The following CASZ1 variants were observed in gnomAD, a reference collection of about 807,000 sequenced individuals.
CASZ1 encodes the protein castor zinc finger 1.
In CASZ1, 28 loss-of-function variants were observed where a neutral mutation model predicts 135.2. The ratio of observed to expected loss-of-function variants is 0.21; its 90% CI spans 0.15 to 0.28. CASZ1 has a LOEUF of 0.28. CASZ1 is among the 10% of genes least tolerant of loss of function. CASZ1 has a pLI of 1.00. For synonymous variants in CASZ1, 1,068 were observed against 1,073.4 expected (o/e 0.99, Z 0.10); for missense variants, 2,161 against 2,453.3 (o/e 0.88, Z 2.52).
In CASZ1 at chr1:10,735,374, G is replaced by T. The variant is rs1050592138; in HGVS notation, c.-77+25327C>A. ...TGCATTCTGAGCTGACGAGAGAGGCGCCTGCAAACGCAGGCGAGGCCCGGG... is the reference window on the plus strand; with the variant it reads ...TGCATTCTGAGCTGACGAGAGAGGCTCCTGCAAACGCAGGCGAGGCCCGGG... On this transcript the variant is annotated intron_variant, in intron 2 of 20. Transcript: ENST00000377022. The surrounding 1 kb of genome is among the most constrained non-coding windows in gnomAD (Gnocchi z 5.1). Among the ~76,000 whole-genome samples the T allele has an allele frequency of 2.0e-4, 30 of 152,274 alleles. No individual in the cohort carries two copies. The highest frequency in any genetic ancestry group is 1.5e-3 in the Admixed American group (23 of 15,296).
At chr1:10,670,706 C>G (rs1230683267) in intron 4 of CASZ1, among the ~76,000 whole-genome samples, 3 of 152,216 alleles carry the variant, frequency 2.0e-5, no homozygotes, top group Non-Finnish European at 4.4e-5. Context: ...TCAGAGGTGC[C>G]ACAGGAGTGG....
At chr1:10,792,643 AT>A (rs1312528355) in intron 1 of CASZ1, among the ~76,000 whole-genome samples, 3 of 150,898 alleles carry the variant, frequency 2.0e-5, no homozygotes, top group African/African-American at 7.3e-5. Context: ...AAACAAGATA[AT>A]TTTTTTCTGT....
Position 10,719,576 on chromosome 1 carries a change from G to A in CASZ1, c.-76-14032C>T, listed in dbSNP as rs1309724873. On this transcript the variant is annotated intron_variant, in intron 2 of 20. Transcript: ENST00000377022. The surrounding 1 kb of genome is among the most constrained non-coding windows in gnomAD (Gnocchi z 4.0). ...GGACACTCAGGTCCACCTGGAGCAC[G>A]AGGAGAGGCTGGCCACCTGTAGGGC... Among the ~76,000 whole-genome samples the A allele has an allele frequency of 2.6e-5, 4 of 152,226 alleles. No individual in the cohort carries two copies. The highest frequency in any genetic ancestry group is 9.6e-5 in the African/African-American group (4 of 41,468).
At position 10,709,022 on chromosome 1, in the gene CASZ1, G is replaced by A. The variant is rs538097034; in HGVS notation, c.-76-3478C>T. Among the ~76,000 whole-genome samples, 24 of 151,644 alleles carry A rather than the reference G, an allele frequency of 1.6e-4. No homozygotes were observed. Among genetic ancestry groups the A allele is most frequent in the African/African-American group, 3.1e-4 (13 of 41,280 alleles). ...GAGGGAGTGCCACGAGAGATGGGAC[G>A]GGGGAGAGTGACAGGCGGAGAAGTG... On this transcript the variant is annotated intron_variant, in intron 2 of 20. Coordinates refer to ENST00000377022, the MANE Select transcript of CASZ1 (RefSeq NM_001079843.3). This position sits in a 1 kb window ranked among gnomAD's most constrained non-coding sequence, Gnocchi z 5.1.
At position 10,776,051 on chromosome 1, in the gene CASZ1, C is replaced by A. The variant is rs977823961; in HGVS notation, c.-233-15194G>T. On this transcript the variant is annotated intron_variant, in intron 1 of 20. Transcript: ENST00000377022. The surrounding 1 kb of genome is among the most constrained non-coding windows in gnomAD (Gnocchi z 4.1). ...GCTCGGTCCCTGTAGCTAATTTACA[C>A]CCGTCAGGGTTTAAAATAGCAGAGG... Among the ~76,000 whole-genome samples the A allele has an allele frequency of 1.3e-5, 2 of 152,230 alleles. No individual in the cohort carries two copies. Among genetic ancestry groups the A allele is most frequent in the Non-Finnish European group, 2.9e-5 (2 of 68,050 alleles).
chr1:10,716,012 C>T (rs1639382989), intron 2 of CASZ1, among the ~76,000 whole-genome samples: 1 of 141,042 alleles, frequency 7.1e-6, no homozygotes, highest in Non-Finnish European at 1.5e-5. Context: ...GCACCCAATC[C>T]ACACCCCACA....
intron 4 of CASZ1, among the ~76,000 whole-genome samples, chr1:10,684,271 T>C (rs1290287594): frequency 6.6e-6 from 1 of 151,884 alleles, no homozygotes; most frequent in Non-Finnish European, 1.5e-5. Flanking sequence ...GGGAGAAGGC[T>C]CAGTGTTAAA....
Position 10,638,976 on chromosome 1 carries a change from G to C in CASZ1, c.5246C>G (p.Pro1749Arg), listed in dbSNP as rs963930787. 3.1e-6 allele frequency: 3 copies of C among 980,918 alleles called. No individual in the cohort carries two copies. Among genetic ancestry groups the C allele is most frequent in the East Asian group, 1.2e-4 (1 of 8,674 alleles). The allele number at this position is 980,918 out of a possible 1,614,324, so 60.8% of individuals were successfully genotyped here. A position where few individuals can be genotyped will look rare whatever the true frequency, so the allele number is the denominator to read the frequency against. ...ALAALAALGA[P>R]GPAPTAASSP ...GGAGGCTGCAGTGGGCGCGGGGCCG[G>C]GGGCGCCCAGGGCCGCCAGCGCCGC... Residue 1749 changes from proline to arginine, a missense_variant, in exon 21 of 21, where the codon CCC (proline) becomes CGC (arginine). Pro to Arg is a moderately radical substitution (Grantham distance 103). Transcript: ENST00000377022. The surrounding 1 kb of genome is among the most constrained non-coding windows in gnomAD (Gnocchi z 5.9).
intron 4 of CASZ1, among the ~76,000 whole-genome samples, chr1:10,686,977 G>T (rs921952220): frequency 6.6e-6 from 1 of 152,208 alleles, no homozygotes; most frequent in Non-Finnish European, 1.5e-5. Flanking sequence ...TTCCCAGGCT[G>T]AAGGGGTGAC....
Position 10,725,126 on chromosome 1 carries a change from T to C in CASZ1, c.-76-19582A>G, listed in dbSNP as rs559514226. ...GGGCTTGGGCTCCCCTCGGTGGGGGTAGGATTCCCTAGTTGGCCAGGGAGC... is the reference window on the plus strand; with the variant it reads ...GGGCTTGGGCTCCCCTCGGTGGGGGCAGGATTCCCTAGTTGGCCAGGGAGC... On this transcript the variant is annotated intron_variant, in intron 2 of 20. Coordinates refer to ENST00000377022, the MANE Select transcript of CASZ1 (RefSeq NM_001079843.3). This position sits in a 1 kb window ranked among gnomAD's most constrained non-coding sequence, Gnocchi z 4.4. 2.0e-5 allele frequency among the ~76,000 whole-genome samples: 3 copies of C among 152,060 alleles called. 1 individual carries two copies. Among genetic ancestry groups the C allele is most frequent in the African/African-American group, 4.8e-5 (2 of 41,472 alleles).
In CASZ1 at chr1:10,676,106, C is replaced by T. The variant is rs1004549528; in HGVS notation, c.17-10535G>A. Reference sequence around the variant, plus strand: ...GGGCGGGGCTCCCCCTGGACCTAGGCCTGCTCAGAGGCTTGGGGGCCAAGG... The same window carrying T: ...GGGCGGGGCTCCCCCTGGACCTAGGTCTGCTCAGAGGCTTGGGGGCCAAGG... On this transcript the variant is annotated intron_variant, in intron 4 of 20. Transcript: ENST00000377022. The surrounding 1 kb of genome is among the most constrained non-coding windows in gnomAD (Gnocchi z 4.5). Among the ~76,000 whole-genome samples the T allele has an allele frequency of 6.6e-6, 1 of 152,178 alleles. No individual in the cohort carries two copies. The highest frequency in any genetic ancestry group is 6.5e-5 in the Admixed American group (1 of 15,290).
At chr1:10,785,599 G>A (rs1299409503) in intron 1 of CASZ1, among the ~76,000 whole-genome samples, 1 of 152,028 alleles carries the variant, frequency 6.6e-6, no homozygotes, top group African/African-American at 2.4e-5. Context: ...TCCTGGCCCC[G>A]CCCTGCCTGT....
chr1:10,655,825 C>T lies in CASZ1; in HGVS notation c.1501-12G>A, dbSNP rs1327896577. On this transcript the variant is annotated splice_polypyrimidine_tract_variant and intron_variant, in intron 8 of 20. Transcript: ENST00000377022. ...TTACTCGTGAACCTCTGCCAGGAGA[C>T]AGCGCCACGTGGGCAGGAGCCTGAG... 10 of 1,611,774 alleles carry T rather than the reference C, an allele frequency of 6.2e-6. No homozygotes were observed. Among genetic ancestry groups the T allele is most frequent in the Non-Finnish European group, 8.5e-6 (10 of 1,178,130 alleles).
chr1:10,654,595 C>T lies in CASZ1; in HGVS notation c.1666-4G>A. 1 of 1,613,886 alleles carries T rather than the reference C, an allele frequency of 6.2e-7. No homozygotes were observed. The highest frequency in any genetic ancestry group is 8.5e-7 in the Non-Finnish European group (1 of 1,179,802). ...TGTACACCTTGTTACAGCCCACCTG[C>T]ACAGGACGGGATGGTGGTCAGGCGA... On this transcript the variant is annotated splice_region_variant and splice_polypyrimidine_tract_variant and intron_variant, in intron 9 of 20. Transcript: ENST00000377022.
rs886963711 is a variant in CASZ1 at position 10,679,488 on chromosome 1, C to G, written c.17-13917G>C. Among the ~76,000 whole-genome samples, 3 of 152,136 alleles carry G rather than the reference C, an allele frequency of 2.0e-5. No homozygotes were observed. Among genetic ancestry groups the G allele is most frequent in the Admixed American group, 1.3e-4 (2 of 15,284 alleles). ...ACTCGGGCCAGCTGTCTCGATGGTG[C>G]TACCAAGCAATGTAGCAGCCCCCAC... On this transcript the variant is annotated intron_variant, in intron 4 of 20. Transcript: ENST00000377022. The surrounding 1 kb of genome is among the most constrained non-coding windows in gnomAD (Gnocchi z 4.7).
Position 10,759,397 on chromosome 1 carries a change from C to A in CASZ1, c.-77+1304G>T, listed in dbSNP as rs942717855. The stretch of plus-strand genomic sequence containing the variant: ...ACAGTCTAAACAGCCCCGGTGCTAT[C>A]CAGGGGACAACGGCAGCACATCCTA... On this transcript the variant is annotated intron_variant, in intron 2 of 20. Coordinates refer to ENST00000377022, the MANE Select transcript of CASZ1 (RefSeq NM_001079843.3). This position sits in a 1 kb window ranked among gnomAD's most constrained non-coding sequence, Gnocchi z 4.2. 8.5e-5 allele frequency among the ~76,000 whole-genome samples: 13 copies of A among 152,204 alleles called. No individual in the cohort carries two copies.
chr1:10,716,902 T>C (rs1639404389), intron 2 of CASZ1, among the ~76,000 whole-genome samples: 1 of 152,188 alleles, frequency 6.6e-6, no homozygotes, highest in Middle Eastern at 3.4e-3. Flanking sequence ...TTTCTTGGAG[T>C]TGCAATGACA....
At chr1:10,778,933 T>C (rs1354065868) in intron 1 of CASZ1, among the ~76,000 whole-genome samples, 2 of 152,132 alleles carry the variant, frequency 1.3e-5, no homozygotes, top group African/African-American at 2.4e-5. Flanking sequence ...CCACCTCCCA[T>C]CACATCCTAG....
In CASZ1 at chr1:10,639,267, G is replaced by C. The variant is rs2124661776; in HGVS notation, c.4955C>G (p.Pro1652Arg). ...ALGDAGDPGP[P>R]DAAAPGPREG... ...GCGCGGCCCGGGGGCGGCGGCGTCG[G>C]GCGGGCCGGGGTCGCCCGCGTCGCC... The change falls in exon 21 of 21, where the codon CCC becomes CGC. Residue 1652 changes from proline (P) to arginine (R), a missense_variant. Coordinates refer to ENST00000377022, the MANE Select transcript of CASZ1 (RefSeq NM_001079843.3). This position sits in a 1 kb window ranked among gnomAD's most constrained non-coding sequence, Gnocchi z 4.0. 1 of 1,021,366 alleles carries C rather than the reference G, an allele frequency of 9.8e-7. No individual in the cohort carries two copies. Among genetic ancestry groups the C allele is most frequent in the Non-Finnish European group, 1.2e-6 (1 of 848,494 alleles). 63.3% of individuals were successfully genotyped at this position (1,021,366 alleles called of 1,614,324 possible).
Sources: allele counts gnomAD v4.1 joint callset (sites outside exome capture counted in the v4.1 genomes callset), GRCh38; gene constraint gnomAD v4.1.1; non-coding constraint Gnocchi (gnomAD v3.1); transcripts MANE v1.5; gene names NCBI Gene and HGNC (gene_info 2026-07-23, HGNC 2026-07-21).